Variants in ZNF618 observed in about 807,000 individuals in gnomAD.
The protein encoded by ZNF618 is neural precursor cell expressed, developmentally down-regulated 10.
ZNF618 carries 34 observed loss-of-function variants against 103.0 expected under a neutral mutation model. The observed-to-expected ratio is 0.33, with a 90% CI of 0.25 to 0.44. The LOEUF is 0.44. Ranked by LOEUF, ZNF618 falls within the 20% of genes least tolerant of loss-of-function variation. The pLI is 1.00. For missense variants in ZNF618, 1,059 were observed against 1,295.4 expected (o/e 0.82, Z 2.80); for synonymous variants, 551 against 542.2 (o/e 1.02, Z -0.23).
At chr9:114,006,456 C>T (rs151081222) in intron 6 of ZNF618, among the ~76,000 whole-genome samples, 13 of 152,320 alleles carry the variant, frequency 8.5e-5, no homozygotes, top group South Asian at 4.1e-4. Context: ...ACATGAGGTT[C>T]GTGCCAGTGC....
chr9:113,963,757 A>C (rs1465276494), intron 1 of ZNF618, among the ~76,000 whole-genome samples: 1 of 152,212 alleles, frequency 6.6e-6, no homozygotes, highest in Non-Finnish European at 1.5e-5. Context: ...TAATTAACAG[A>C]TTCAACTATA....
intron 6 of ZNF618, among the ~76,000 whole-genome samples, chr9:114,005,682 C>T (rs1176572472): frequency 6.6e-6 from 1 of 152,184 alleles, no homozygotes; most frequent in Non-Finnish European, 1.5e-5. Context: ...GGGCAGGTGT[C>T]CTGCACAGAA....
chr9:113,928,885 T>C (rs1564181967), intron 1 of ZNF618, among the ~76,000 whole-genome samples: 1 of 152,214 alleles, frequency 6.6e-6, no homozygotes, highest in Non-Finnish European at 1.5e-5. Flanking sequence ...TCATAGCCTT[T>C]TCTTCTCCCT....
chr9:114,014,485 A>G (rs187888272), intron 9 of ZNF618, among the ~76,000 whole-genome samples: 1 of 152,298 alleles, frequency 6.6e-6, no homozygotes, highest in Non-Finnish European at 1.5e-5. Flanking sequence ...TCCTTTTGTT[A>G]GACTGTAAAC....
intron 1 of ZNF618, among the ~76,000 whole-genome samples, chr9:113,945,378 G>T (rs898819580): frequency 6.6e-6 from 1 of 152,154 alleles, no homozygotes; most frequent in African/African-American, 2.4e-5. Context: ...TTCCTTCTCC[G>T]CATGTACACA....
chr9:113,998,347 T>C lies in ZNF618; in HGVS notation c.426T>C (p.Tyr142=), dbSNP rs768639354. ...GGATTTTTGACCAAGCATTGAGATATGCATCTGGTACGTGATGGCCAAGGG... is the reference window on the plus strand; with the variant it reads ...GGATTTTTGACCAAGCATTGAGATACGCATCTGGTACGTGATGGCCAAGGG... ...GTWIFDQALR[Y]ASGSYECGIC... The change falls in exon 4 of 15, where the codon TAT becomes TAC. Residue 142 remains tyrosine (Y), a synonymous_variant. Coordinates refer to ENST00000374126, the MANE Select transcript of ZNF618 (RefSeq NM_001318042.2). The C allele has an allele frequency of 5.2e-6, 8 of 1,550,336 alleles. No homozygotes were observed. The African/African-American group carries it at 5.5e-5, about 11-fold the overall frequency.
rs1835703809 is a variant in ZNF618 at position 113,951,507 on chromosome 9, A to ATGTGTGTG, written c.34-17609_34-17608insGTGTGTGT. 5.5e-5 allele frequency among the ~76,000 whole-genome samples: 6 copies of ATGTGTGTG among 108,966 alleles called. 1 individual carries two copies. The highest frequency in any genetic ancestry group is 1.9e-4 in the African/African-American group (6 of 31,834). 71.5% of individuals were successfully genotyped at this position (108,966 alleles called of 152,430 possible). ...CATATATGTGTGTATGTGTACACAT[A>ATGTGTGTG]TATGTGTGTATATGTACACATATGT... is the stretch of plus-strand genomic sequence containing the variant. On this transcript the variant is annotated intron_variant, in intron 1 of 14. Coordinates refer to ENST00000374126, the MANE Select transcript of ZNF618 (RefSeq NM_001318042.2).
intron 3 of ZNF618, among the ~76,000 whole-genome samples, chr9:113,990,699 C>T (rs186409532): frequency 6.6e-6 from 1 of 152,250 alleles, no homozygotes; most frequent in Non-Finnish European, 1.5e-5. Flanking sequence ...GGTGTTAATT[C>T]CGCTCACAGT....
chr9:114,026,888 G>A (rs1362756965), intron 10 of ZNF618, among the ~76,000 whole-genome samples: 1 of 152,140 alleles, frequency 6.6e-6, no homozygotes, highest in African/African-American at 2.4e-5. Flanking sequence ...CAAAGGCCGA[G>A]AGAGGGGAGG....
At chr9:113,908,512 C>T (rs1226678468) in intron 1 of ZNF618, among the ~76,000 whole-genome samples, 2 of 151,570 alleles carry the variant, frequency 1.3e-5, no homozygotes, top group African/African-American at 4.8e-5. Context: ...TTTTTTTGAC[C>T]TGAAAGTTCA....
chr9:113,974,936 G>T (rs1554743624), intron 2 of ZNF618, among the ~76,000 whole-genome samples: 1 of 152,192 alleles, frequency 6.6e-6, no homozygotes, highest in Non-Finnish European at 1.5e-5. Flanking sequence ...GTAAACTGGG[G>T]ATTATATTAG....
intron 1 of ZNF618, among the ~76,000 whole-genome samples, chr9:113,881,783 G>GTGA (rs1346122514): frequency 2.0e-5 from 3 of 152,244 alleles, no homozygotes; most frequent in Admixed American, 2.0e-4. Context: ...TCAGCCTGTA[G>GTGA]TGATGATGAG....
At chr9:114,016,270 G>A in intron 9 of ZNF618, 1 of 1,111,614 alleles carries the variant, frequency 9.0e-7, no homozygotes. Flanking sequence ...GGAGATGAGG[G>A]GACCCCGGGT....
chr9:113,945,095 G>C (rs79206980), intron 1 of ZNF618, among the ~76,000 whole-genome samples: 7,650 of 152,084 alleles, frequency 0.05, 213 homozygotes, highest in African/African-American at 0.073. Context: ...CCCATCCCCT[G>C]TCTCCCTACC....
Position 114,028,867 on chromosome 9 carries a change from T to A in ZNF618, c.979T>A (p.Ser327Thr). ...CCAGTCGGGGAAAAAAGCTCCGGCC[T>A]CCGTGGTCCGATGTGCCACCCTCTT... is the stretch of plus-strand genomic sequence containing the variant. ...TNQSGKKAPASVVRCATLLHR... is the reference protein window; with the variant it reads ...TNQSGKKAPATVVRCATLLHR... The change falls in exon 11 of 15, where the codon TCC becomes ACC. Residue 327 changes from serine to threonine, a missense_variant. Ser to Thr is a moderately conservative substitution (Grantham distance 58, BLOSUM62 1). This residue lies in a region of ZNF618 where 434 missense variants were observed against 476.0 expected (regional missense o/e 0.91). Transcript: ENST00000374126. 6.4e-7 allele frequency: 1 copy of A among 1,550,522 alleles called. No individual in the cohort carries two copies. The highest frequency in any genetic ancestry group is 8.7e-7 in the Non-Finnish European group (1 of 1,146,918).
At chr9:114,019,837 C>T (rs565884917) in intron 10 of ZNF618, among the ~76,000 whole-genome samples, 3 of 152,292 alleles carry the variant, frequency 2.0e-5, no homozygotes, top group Non-Finnish European at 4.4e-5. Context: ...GAACAGATGT[C>T]TTTCATTTTG....
intron 1 of ZNF618, among the ~76,000 whole-genome samples, chr9:113,929,817 G>A (rs1331391628): frequency 2.0e-5 from 3 of 152,112 alleles, no homozygotes; most frequent in Non-Finnish European, 4.4e-5. Context: ...GGAATGAGTT[G>A]GTGTTTCATG....
intron 1 of ZNF618, among the ~76,000 whole-genome samples, chr9:113,944,363 C>T (rs1027134007): frequency 3.3e-5 from 5 of 152,246 alleles, no homozygotes; most frequent in Admixed American, 6.5e-5. Flanking sequence ...CTGCAAACTC[C>T]GCCTCCCAGG....
intron 1 of ZNF618, among the ~76,000 whole-genome samples, chr9:113,962,752 C>T (rs181295024): frequency 6.6e-6 from 1 of 152,310 alleles, no homozygotes; most frequent in Non-Finnish European, 1.5e-5. Context: ...GCCTGTGGCT[C>T]CTCCCTTGTC....
Sources: allele counts gnomAD v4.1 joint callset (sites outside exome capture counted in the v4.1 genomes callset), GRCh38; gene constraint gnomAD v4.1.1; regional missense constraint gnomAD v4.1.1; transcripts MANE v1.5; gene names NCBI Gene and HGNC (gene_info 2026-07-23, HGNC 2026-07-21).